Variants in LYZL1 observed in about 807,000 individuals in gnomAD.
LYZL1 encodes lysozyme like 1.
In LYZL1, 16 loss-of-function variants were observed where a neutral mutation model predicts 17.9. The observed-to-expected ratio is 0.90, with a 90% CI of 0.61 to 1.36. The LOEUF (loss-of-function observed/expected upper bound fraction) is 1.36, where lower values mean the gene tolerates loss of function less well. Ranked by LOEUF, LYZL1 falls within the 40% of genes most tolerant of loss-of-function variation. The probability of loss-of-function intolerance (pLI) is 0.00; values close to 1 mark genes in which losing one functional copy is unlikely to be tolerated. For synonymous variants in LYZL1, 58 were observed against 71.8 expected (o/e 0.81, Z 0.97); for missense variants, 149 against 188.4 (o/e 0.79, Z 1.22).
chr10:29,314,777 T>C (rs1001459352), downstream of LYZL1, among the ~76,000 whole-genome samples: 2 of 152,150 alleles, frequency 1.3e-5, no homozygotes, highest in Admixed American at 6.5e-5. Flanking sequence ...TCTTGGGATA[T>C]AGGGGAATGA....
chr10:29,303,747 G>T (rs1835552958), intron 3 of LYZL1, among the ~76,000 whole-genome samples: 1 of 152,096 alleles, frequency 6.6e-6, no homozygotes, highest in East Asian at 1.9e-4. Context: ...TCCATGAAAG[G>T]CCTCCCTTAG....
At chr10:29,309,924 AAAC>A (rs1347750454) in intron 3 of LYZL1, among the ~76,000 whole-genome samples, 183 bp from the exon 4 acceptor site, 12 of 152,364 alleles carry the variant, frequency 7.9e-5, no homozygotes, top group Admixed American at 7.8e-4. Context: ...AACGGTCTTA[AAAC>A]AACAACAAAA....
chr10:29,314,111 A>T (rs143278229), downstream of LYZL1, among the ~76,000 whole-genome samples: 5 of 152,048 alleles, frequency 3.3e-5, no homozygotes, highest in African/African-American at 1.2e-4. Context: ...GGTTTTTCCC[A>T]TACATGGAGG....
downstream of LYZL1, among the ~76,000 whole-genome samples, chr10:29,314,716 T>C (rs994361628): frequency 6.6e-6 from 1 of 152,228 alleles, no homozygotes; most frequent in African/African-American, 2.4e-5. Flanking sequence ...TAGAACATTT[T>C]TGTTTTCAAA....
At chr10:29,305,801 T>A (rs1335390769) in intron 3 of LYZL1, among the ~76,000 whole-genome samples, 1 of 152,206 alleles carries the variant, frequency 6.6e-6, no homozygotes. Flanking sequence ...TCAGAATAAA[T>A]TTGCTTAAAA....
intron 3 of LYZL1, among the ~76,000 whole-genome samples, 193 bp from the exon 4 acceptor site, chr10:29,309,917 G>T (rs868834342): frequency 3.3e-5 from 5 of 152,146 alleles, no homozygotes; most frequent in South Asian, 2.1e-4. Context: ...AGATGAAAAC[G>T]GTCTTAAAAC....
At chr10:29,308,211 C>A (rs1389418270) in intron 3 of LYZL1, among the ~76,000 whole-genome samples, 1 of 152,210 alleles carries the variant, frequency 6.6e-6, no homozygotes, top group African/African-American at 2.4e-5. Context: ...CTGCCACCTG[C>A]TTCAGGATTG....
intron 3 of LYZL1, among the ~76,000 whole-genome samples, chr10:29,308,487 G>A (rs753233419): frequency 3.8e-4 from 58 of 152,174 alleles, no homozygotes; most frequent in African/African-American, 1.0e-3. Flanking sequence ...CCATCGCAGC[G>A]TCTGTTCCTG....
intron 1 of LYZL1, among the ~76,000 whole-genome samples, chr10:29,290,260 C>T (rs930415011): frequency 2.6e-5 from 4 of 152,196 alleles, no homozygotes; most frequent in African/African-American, 9.6e-5. Context: ...TTCACCCCAT[C>T]CCAGCAAGGC....
At chr10:29,294,136 G>A (rs1835415439) in intron 3 of LYZL1, among the ~76,000 whole-genome samples, 1 of 152,096 alleles carries the variant, frequency 6.6e-6, no homozygotes, top group African/African-American at 2.4e-5. Context: ...GGGAAGGTGT[G>A]AAGCATGAAC....
At chr10:29,291,488 T>A (rs1181239994) in intron 1 of LYZL1, among the ~76,000 whole-genome samples, 4 of 151,730 alleles carry the variant, frequency 2.6e-5, no homozygotes, top group Admixed American at 2.6e-4. Context: ...GTCAGCAGTA[T>A]AGGGAATGTT....
chr10:29,295,390 T>A (rs1835433994), intron 3 of LYZL1, among the ~76,000 whole-genome samples: 1 of 152,228 alleles, frequency 6.6e-6, no homozygotes. Context: ...GCTAAAACAT[T>A]CAGTATATTC....
chr10:29,308,173 C>T (rs1289471030), intron 3 of LYZL1, among the ~76,000 whole-genome samples: 7 of 152,214 alleles, frequency 4.6e-5, no homozygotes, highest in African/African-American at 4.8e-5. Context: ...GCTGCCCCCG[C>T]TGCAGTTGTG....
intron 3 of LYZL1, among the ~76,000 whole-genome samples, chr10:29,301,979 A>T (rs1467145921): frequency 6.6e-6 from 1 of 150,784 alleles, no homozygotes; most frequent in East Asian, 2.0e-4. Context: ...CGTATTTTTT[A>T]TTTGGTGTTA....
chr10:29,292,564 A>C lies in LYZL1; in HGVS notation c.185A>C (p.Gln62Pro), dbSNP rs3818551. The C allele has an allele frequency of 0.23, 364,234 of 1,614,070 alleles. 42,299 individuals are homozygous for C. The highest frequency in any genetic ancestry group is 0.35 in the Admixed American group (20,826 of 60,008). ...GAGAGCGGCTACAACACCACAGCCCAGACGGTCCTGGATGACGGCAGCATC... is the reference window on the plus strand; with the variant it reads ...GAGAGCGGCTACAACACCACAGCCCCGACGGTCCTGGATGACGGCAGCATC... ...YYESGYNTTA[Q>P]TVLDDGSIDY... is the part of the protein sequence containing the mutation. The change falls in exon 3 of 5, where the codon CAG (glutamine) becomes CCG (proline). Residue 62 changes from glutamine (Q) to proline (P), a missense_variant. Physicochemically the swap from Gln to Pro is moderately conservative, Grantham distance 76. Around this residue, in one of 2 missense-constraint regions of LYZL1, gnomAD observed 130 missense variants for 132.5 expected, o/e 0.98. Transcript: ENST00000649382.
At chr10:29,311,916 G>A (rs537200747), downstream of LYZL1, among the ~76,000 whole-genome samples, 12 of 152,066 alleles carry the variant, frequency 7.9e-5, no homozygotes, top group Non-Finnish European at 1.6e-4. Context: ...CCGAGATCAT[G>A]CCGCTGTACT....
chr10:29,301,199 C>T (rs1036996600), intron 3 of LYZL1, among the ~76,000 whole-genome samples: 2 of 152,136 alleles, frequency 1.3e-5, no homozygotes, highest in African/African-American at 4.8e-5. Context: ...ACAGGTGTTT[C>T]CCTGCACAAG....
chr10:29,307,749 T>C (rs1835615277), intron 3 of LYZL1, among the ~76,000 whole-genome samples: 1 of 152,232 alleles, frequency 6.6e-6, no homozygotes, highest in Admixed American at 6.5e-5. Flanking sequence ...TTGGATTTTT[T>C]TCATTTTAAC....
At chr10:29,306,069 T>C (rs1835584973) in intron 3 of LYZL1, among the ~76,000 whole-genome samples, 2 of 152,244 alleles carry the variant, frequency 1.3e-5, no homozygotes, top group Non-Finnish European at 2.9e-5. Context: ...TTAAGAGCAT[T>C]GGTGATCCCA....
Sources: allele counts gnomAD v4.1 joint callset (sites outside exome capture counted in the v4.1 genomes callset), GRCh38; gene constraint gnomAD v4.1.1; regional missense constraint gnomAD v4.1.1; transcripts MANE v1.5; gene names NCBI Gene and HGNC (gene_info 2026-07-23, HGNC 2026-07-21).